ACBD7: variants seen among roughly 807,000 people sequenced by gnomAD.
The protein encoded by ACBD7 is acyl-CoA-binding domain-containing protein 7.
Under a neutral mutation model 13.7 loss-of-function variants are expected in ACBD7, and 11 were observed. The observed-to-expected ratio is 0.80, with a 90% confidence interval of 0.50 to 1.33. The LOEUF is 1.33. Ranked by LOEUF, ACBD7 falls within the 40% of genes most tolerant of loss-of-function variation. The pLI, the probability that ACBD7 is intolerant of heterozygous loss-of-function variation, is 0.00. For missense variants in ACBD7, 111 were observed against 103.0 expected, an observed-to-expected ratio of 1.08 and a Z score of -0.33; for synonymous variants, 43 against 37.7, an observed-to-expected ratio of 1.14 and a Z score of -0.51.
At position 15,076,407 on chromosome 10, in the gene ACBD7, TTGTCTTAAA is replaced by T. The variant is rs1367363819; in HGVS notation, c.*2114_*2122del. The T allele has an allele frequency of 2.6e-5, 26 of 983,308 alleles. No individual in the cohort carries two copies. Among genetic ancestry groups the T allele is most frequent in the East Asian group, 1.1e-4 (1 of 8,826 alleles). The allele number at this position is 983,308 out of a possible 1,614,324, so 60.9% of individuals were successfully genotyped here. ...ACTAGATACATTTTAGTTTGCCTTT[TTGTCTTAAA>T]TGTCTTAAATGTAAAAATTTAAAGA... On this transcript the variant is annotated 3_prime_UTR_variant, in exon 4 of 4. Coordinates refer to ENST00000356189, the MANE Select transcript of ACBD7 (RefSeq NM_001039844.3).
In ACBD7 at chr10:15,082,211, T is replaced by C. The variant is rs367570828; in HGVS notation, c.13-3171A>G. ...TGAGGCAGGAGAATCGCTTGAACCC[T>C]GGAGGTAGAGGTTGCAGTGAGCCGA... On this transcript the variant is annotated intron_variant, in intron 1 of 3. Coordinates refer to ENST00000356189, the MANE Select transcript of ACBD7 (RefSeq NM_001039844.3). 6.0e-4 allele frequency among the ~76,000 whole-genome samples: 87 copies of C among 145,044 alleles called. 3 individuals are homozygous for C. The South Asian group carries it at 0.018, about 31-fold the overall frequency.
chr10:15,087,743 A>C lies in ACBD7; in HGVS notation c.12+974T>G, dbSNP rs113990244. Among the ~76,000 whole-genome samples the C allele has an allele frequency of 6.9e-3, 1,033 of 150,760 alleles. 15 individuals carry two copies. Among genetic ancestry groups the C allele is most frequent in the African/African-American group, 0.024 (972 of 40,944 alleles). ...CGGTGAGCTGAGATTGCACCACTGC[A>C]CTCCAGCCTGGGTGACAGAGTGAGA... is the stretch of plus-strand genomic sequence containing the variant. On this transcript the variant is annotated intron_variant, in intron 1 of 3. Coordinates refer to ENST00000356189, the MANE Select transcript of ACBD7 (RefSeq NM_001039844.3).
intron 1 of ACBD7, among the ~76,000 whole-genome samples, chr10:15,079,417 G>T (rs903638535): frequency 6.6e-6 from 1 of 151,742 alleles, no homozygotes; most frequent in East Asian, 1.9e-4. Context: ...TGGGACTACA[G>T]GGGTGCACCA....
rs1194408324 is a variant in ACBD7 at position 15,075,848 on chromosome 10, C to T, written c.*2682G>A. Among the ~76,000 whole-genome samples the T allele has an allele frequency of 6.6e-6, 1 of 151,904 alleles. No homozygotes were observed. Among genetic ancestry groups the T allele is most frequent in the Non-Finnish European group, 1.5e-5 (1 of 67,976 alleles). On this transcript the variant is annotated 3_prime_UTR_variant, in exon 4 of 4. Transcript: ENST00000356189. ...AATTAGCTGGGCATGGTTGCACGCA[C>T]CTGTAGTCCCAGCTACTCTGGAGGC...
At position 15,078,457 on chromosome 10, in the gene ACBD7, C is replaced by G. The variant is rs984981459; in HGVS notation, c.*73G>C. The G allele has an allele frequency of 4.4e-6, 7 of 1,607,876 alleles. No homozygotes were observed. In the Admixed American group the frequency reaches 6.7e-5, roughly 15 times the overall value. Reference sequence around the variant, plus strand: ...ATGATACATCAAGTTAACAGTATGCCTCTCCCTCTAAATGTTAGGTCATGA... The same window carrying G: ...ATGATACATCAAGTTAACAGTATGCGTCTCCCTCTAAATGTTAGGTCATGA... On this transcript the variant is annotated 3_prime_UTR_variant, in exon 4 of 4. Transcript: ENST00000356189.
Position 15,088,738 on chromosome 10 carries a change from TG to T in ACBD7, c.-11del. 6.3e-7 allele frequency: 1 copy of T among 1,598,404 alleles called. No homozygotes were observed. The highest frequency in any genetic ancestry group is 8.5e-7 in the Non-Finnish European group (1 of 1,175,394). ...GTACCTGCAGGGCCATGGTGGCGGC[TG>T]CCGCGTTGTTGCTGCTGCTGTTGTC... On this transcript the variant is annotated 5_prime_UTR_variant, in exon 1 of 4. Coordinates refer to ENST00000356189, the MANE Select transcript of ACBD7 (RefSeq NM_001039844.3).
chr10:15,088,542 C>T (rs1844835478), intron 1 of ACBD7, 175 bp downstream of exon 1: 5 of 889,924 alleles, frequency 5.6e-6, no homozygotes, highest in Admixed American at 3.9e-5. Context: ...CCTGGCTCGC[C>T]GTCAGCAGGC....
In ACBD7 at chr10:15,075,991, A is replaced by G. The variant is rs1464233944; in HGVS notation, c.*2539T>C. 7.9e-6 allele frequency: 5 copies of G among 631,666 alleles called. No homozygotes were observed. The highest frequency in any genetic ancestry group is 6.7e-5 in the Admixed American group (1 of 14,938). The allele number at this position is 631,666 out of a possible 1,614,324, so 39.1% of individuals were successfully genotyped here. ...CCTGTCTCAACAAAAAAAAAAAAAAAAAAAAAGAAAAGAAAAAGAATGTTA... is the reference window on the plus strand; with the variant it reads ...CCTGTCTCAACAAAAAAAAAAAAAAGAAAAAAGAAAAGAAAAAGAATGTTA... On this transcript the variant is annotated 3_prime_UTR_variant, in exon 4 of 4. Transcript: ENST00000356189.
intron 1 of ACBD7, chr10:15,088,483 C>T (rs892630994): frequency 1.7e-6 from 1 of 586,056 alleles, no homozygotes; most frequent in Non-Finnish European, 2.8e-6. Flanking sequence ...GCCTTGCCTG[C>T]TTTTCCGCTC....
At chr10:15,085,648 G>A (rs1844800087) in intron 1 of ACBD7, among the ~76,000 whole-genome samples, 1 of 152,188 alleles carries the variant, frequency 6.6e-6, no homozygotes, top group African/African-American at 2.4e-5. Flanking sequence ...TATTCTAGAG[G>A]AAGAAGTCTG....
At chr10:15,084,688 T>G (rs1184420489) in intron 1 of ACBD7, among the ~76,000 whole-genome samples, 1 of 152,168 alleles carries the variant, frequency 6.6e-6, no homozygotes, top group African/African-American at 2.4e-5. Flanking sequence ...GAGGCTGAAG[T>G]TACAAAGTTA....
At chr10:15,087,483 T>C (rs1160462263) in intron 1 of ACBD7, among the ~76,000 whole-genome samples, 6 of 152,054 alleles carry the variant, frequency 3.9e-5, no homozygotes, top group African/African-American at 1.4e-4. Context: ...ATGTAAAAGA[T>C]TACATTTTAG....
chr10:15,076,179 G>C lies in ACBD7; in HGVS notation c.*2351C>G. 1 of 985,078 alleles carries C rather than the reference G, an allele frequency of 1.0e-6. No individual in the cohort carries two copies. Among genetic ancestry groups the C allele is most frequent in the South Asian group, 4.7e-5 (1 of 21,274 alleles). The allele number at this position is 985,078 out of a possible 1,614,324, so 61.0% of individuals were successfully genotyped here. On this transcript the variant is annotated 3_prime_UTR_variant, in exon 4 of 4. Transcript: ENST00000356189. ...ATTCCAAATCTAAATTTTTATGCAG[G>C]GAATAGAGGTACACTGTTTTGGGGG...
rs1221354569 is a variant in ACBD7, at chr10:15,078,315, A to G, written c.*215T>C. 7.2e-7 allele frequency: 1 copy of G among 1,396,596 alleles called. No homozygotes were observed. The highest frequency in any genetic ancestry group is 9.3e-7 in the Non-Finnish European group (1 of 1,076,292). 86.5% of individuals were successfully genotyped at this position (1,396,596 alleles called of 1,614,324 possible). ...TAGTATTCCATGGTGTATATGTGCC[A>G]CATTTTCTTAAAAAGAACTTTTAAA... On this transcript the variant is annotated 3_prime_UTR_variant, in exon 4 of 4. Coordinates refer to ENST00000356189, the MANE Select transcript of ACBD7 (RefSeq NM_001039844.3).
chr10:15,078,534 A>G lies in ACBD7; in HGVS notation c.263T>C (p.Ile88Thr), dbSNP rs1332537631. Residue 88 changes from isoleucine to threonine, a missense_variant, in exon 4 of 4, where the codon ATT becomes ACT. Ile to Thr is a moderately conservative substitution (Grantham distance 89, BLOSUM62 -1). Transcript: ENST00000356189. ...KAKELIEKYG[I>T] ...AAATTCCTCATATGCTGTATTCTAA[A>G]TTCCGTATTTTTCTATCAGCTCCTT... 6.2e-6 allele frequency: 10 copies of G among 1,614,002 alleles called. No individual in the cohort carries two copies. Among genetic ancestry groups the G allele is most frequent in the Non-Finnish European group, 8.5e-6 (10 of 1,180,032 alleles).
intron 1 of ACBD7, among the ~76,000 whole-genome samples, chr10:15,082,577 G>T (rs1453541027): frequency 6.6e-6 from 1 of 152,192 alleles, no homozygotes; most frequent in Non-Finnish European, 1.5e-5. Context: ...TGGCTGAGCT[G>T]CTTGAGGGCA....
chr10:15,085,011 T>A (rs1844793538), intron 1 of ACBD7, among the ~76,000 whole-genome samples: 1 of 152,200 alleles, frequency 6.6e-6, no homozygotes, highest in African/African-American at 2.4e-5. Context: ...TCCTGCCTCA[T>A]CCTGAGAGAA....
At chr10:15,088,566 A>T in intron 1 of ACBD7, 151 bp downstream of exon 1, 2 of 1,116,364 alleles carry the variant, frequency 1.8e-6, no homozygotes, top group East Asian at 3.0e-5. Context: ...GGTGCGGTCT[A>T]CACTGCCATC....
At position 15,076,883 on chromosome 10, in the gene ACBD7, CA is replaced by C; in HGVS notation, c.*1646del. ...TAACAGAACAGATGAGCCAAAAGAA[CA>C]AACAGCTGTTCAAATCTGTACACAT... On this transcript the variant is annotated 3_prime_UTR_variant, in exon 4 of 4. Coordinates refer to ENST00000356189, the MANE Select transcript of ACBD7 (RefSeq NM_001039844.3). The C allele has an allele frequency of 2.0e-6, 2 of 985,376 alleles. No homozygotes were observed. Among genetic ancestry groups the C allele is most frequent in the Non-Finnish European group, 2.4e-6 (2 of 829,940 alleles). 61.0% of individuals were successfully genotyped at this position (985,376 alleles called of 1,614,324 possible).
Sources: allele counts gnomAD v4.1 joint callset (sites outside exome capture counted in the v4.1 genomes callset), GRCh38; gene constraint gnomAD v4.1.1; transcripts MANE v1.5; gene names NCBI Gene and HGNC (gene_info 2026-07-23, HGNC 2026-07-21).